CCDC141: variants seen among roughly 807,000 people sequenced by gnomAD.
CCDC141 encodes the protein coiled-coil domain containing 141.
Under a neutral mutation model 181.0 loss-of-function variants are expected in CCDC141, and 168 were observed. The ratio of observed to expected loss-of-function variants is 0.93; its 90% CI spans 0.82 to 1.05. CCDC141 has a LOEUF of 1.05. Among genes scored for constraint, CCDC141 ranks in the 50% least tolerant of loss-of-function variants. CCDC141 has a pLI of 0.00. For missense variants in CCDC141, 1,902 were observed against 1,788.5 expected (o/e 1.06, Z -1.14); for synonymous variants, 666 against 642.3 (o/e 1.04, Z -0.56).
Position 178,888,665 on chromosome 2 carries a change from A to G in CCDC141, c.1269T>C (p.Ser423=). ...TLISQVDSCS[S]QVSGIHEMMG... Reference sequence around the variant, plus strand: ...TCATCTCATGGATGCCGGACACCTGAGAGCTGAACAGAGCAAGCCAGCTGT... The same window carrying G: ...TCATCTCATGGATGCCGGACACCTGGGAGCTGAACAGAGCAAGCCAGCTGT... Residue 423 remains serine (S), a synonymous_variant, in exon 9 of 24, where the codon TCT becomes TCC. Coordinates refer to ENST00000443758, the MANE Select transcript of CCDC141 (RefSeq NM_173648.4). 6.4e-7 allele frequency: 1 copy of G among 1,550,498 alleles called. No homozygotes were observed. Among genetic ancestry groups the G allele is most frequent in the African/African-American group, 1.4e-5 (1 of 73,106 alleles).
In CCDC141 at chr2:178,941,003, C is replaced by T. The variant is rs569116294; in HGVS notation, c.897+3532G>A. 5.9e-5 allele frequency among the ~76,000 whole-genome samples: 9 copies of T among 152,296 alleles called. No homozygotes were observed. In the East Asian group the frequency reaches 1.2e-3, roughly 20 times the overall value. ...GTTGCTTCAGGAATCTCTTCTATTT[C>T]CCAACCTGTGGAAGTCTATTTTTCT... On this transcript the variant is annotated intron_variant, in intron 6 of 23. Transcript: ENST00000443758.
intron 6 of CCDC141, among the ~76,000 whole-genome samples, chr2:178,939,144 T>C (rs11888418): frequency 7.9e-4 from 121 of 152,264 alleles, no homozygotes; most frequent in African/African-American, 2.6e-3. Flanking sequence ...ACCCTGTATA[T>C]AGGACTGGCT....
intron 5 of CCDC141, among the ~76,000 whole-genome samples, chr2:178,960,747 C>A (rs1044542353): frequency 6.6e-6 from 1 of 152,184 alleles, no homozygotes; most frequent in African/African-American, 2.4e-5. Flanking sequence ...ACAGATCCTG[C>A]AGCTATGGGC....
Position 178,836,183 on chromosome 2 carries a change from T to C in CCDC141, c.4325+711A>G, listed in dbSNP as rs1227111925. ...CCACATATTGAGAAAGAACTGCTTT[T>C]GTTACCAATAGTAGGTGATCCAAAA... On this transcript the variant is annotated intron_variant, in intron 23 of 23. Coordinates refer to ENST00000443758, the MANE Select transcript of CCDC141 (RefSeq NM_173648.4). 6 of 152,544 alleles carry C rather than the reference T, an allele frequency of 3.9e-5. No individual in the cohort carries two copies. In the East Asian group the frequency reaches 1.2e-3, roughly 29 times the overall value. The allele number at this position is 152,544 out of a possible 1,614,324, so 9.4% of individuals were successfully genotyped here.
chr2:178,960,918 T>C (rs1326688516), intron 5 of CCDC141, among the ~76,000 whole-genome samples: 1 of 152,146 alleles, frequency 6.6e-6, no homozygotes, highest in Non-Finnish European at 1.5e-5. Context: ...CATTTCAAAA[T>C]GTCAAAGCAA....
intron 6 of CCDC141, among the ~76,000 whole-genome samples, chr2:178,941,180 G>T (rs1325917788): frequency 2.0e-5 from 3 of 152,096 alleles, no homozygotes; most frequent in Admixed American, 6.5e-5. Flanking sequence ...ATTGCTGTTT[G>T]CCTTATTCTG....
chr2:179,005,786 T>A (rs1331305329), intron 2 of CCDC141, among the ~76,000 whole-genome samples: 1 of 152,152 alleles, frequency 6.6e-6, no homozygotes, highest in Admixed American at 6.5e-5. Context: ...ATGTTTGTAT[T>A]TTTTTGTAGA....
chr2:179,030,904 T>C (rs1482001458), intron 2 of CCDC141, among the ~76,000 whole-genome samples: 1 of 152,094 alleles, frequency 6.6e-6, no homozygotes, highest in Admixed American at 6.6e-5. Flanking sequence ...TTTCAGGCTC[T>C]GTATGCATTA....
chr2:178,926,218 A>G (rs1688904270), intron 6 of CCDC141, among the ~76,000 whole-genome samples: 1 of 152,184 alleles, frequency 6.6e-6, no homozygotes, highest in Admixed American at 6.5e-5. Context: ...GACACTTACA[A>G]TCAGACAAAT....
In CCDC141 at chr2:178,833,620, T is replaced by A. The variant is rs1684349730; in HGVS notation, c.*553A>T. On this transcript the variant is annotated 3_prime_UTR_variant, in exon 24 of 24. Coordinates refer to ENST00000443758, the MANE Select transcript of CCDC141 (RefSeq NM_173648.4). ...TGAGAGCAACATGAGGAATGATTAT[T>A]TACAATGACATCATCAGACTCAGGA... is the stretch of plus-strand genomic sequence containing the variant. 6.5e-6 allele frequency: 1 copy of A among 153,258 alleles called. No individual in the cohort carries two copies. Among genetic ancestry groups the A allele is most frequent in the Non-Finnish European group, 1.5e-5 (1 of 68,776 alleles). 9.5% of individuals were successfully genotyped at this position (153,258 alleles called of 1,614,324 possible). A position where few individuals can be genotyped will look rare whatever the true frequency, so the allele number is the denominator to read the frequency against.
chr2:178,901,932 A>G (rs1481296156), intron 8 of CCDC141, among the ~76,000 whole-genome samples: 2 of 152,220 alleles, frequency 1.3e-5, no homozygotes, highest in East Asian at 3.8e-4. Context: ...TGAATATACA[A>G]AAATCACAAG....
At chr2:179,028,586 T>C (rs1407423540) in intron 2 of CCDC141, among the ~76,000 whole-genome samples, 2 of 152,226 alleles carry the variant, frequency 1.3e-5, no homozygotes, top group African/African-American at 4.8e-5. Flanking sequence ...GGCAATCATG[T>C]AATAATACCA....
At chr2:178,902,981 A>T (rs1168130978) in intron 8 of CCDC141, among the ~76,000 whole-genome samples, 1 of 149,198 alleles carries the variant, frequency 6.7e-6, no homozygotes. Flanking sequence ...GAAGACATTT[A>T]TGCAGCCAAA....
intron 2 of CCDC141, among the ~76,000 whole-genome samples, chr2:179,032,669 T>C (rs1421557133): frequency 6.6e-6 from 1 of 152,138 alleles, no homozygotes; most frequent in Non-Finnish European, 1.5e-5. Flanking sequence ...TTCATCATCC[T>C]TGTCATACAT....
intron 5 of CCDC141, among the ~76,000 whole-genome samples, chr2:178,949,652 T>C (rs1222013817): frequency 6.6e-6 from 1 of 152,166 alleles, no homozygotes; most frequent in Non-Finnish European, 1.5e-5. Context: ...CCGTATACAA[T>C]CAGGGGCTCC....
At chr2:178,834,777 G>A (rs1684409031) in intron 23 of CCDC141, among the ~76,000 whole-genome samples, 1 of 151,028 alleles carries the variant, frequency 6.6e-6, no homozygotes, top group Admixed American at 6.6e-5. Flanking sequence ...ATAGGATCTC[G>A]CTATGTTACC....
intron 12 of CCDC141, chr2:178,876,377 A>C (rs751132515): frequency 6.6e-6 from 1 of 152,208 alleles, no homozygotes; most frequent in Non-Finnish European, 1.5e-5. Context: ...TAAGCTTCAC[A>C]CTGAAAATCA....
At chr2:178,920,728 A>T (rs903438854) in intron 6 of CCDC141, among the ~76,000 whole-genome samples, 8 of 140,200 alleles carry the variant, frequency 5.7e-5, no homozygotes, top group Admixed American at 2.2e-4. Flanking sequence ...ACACACACAC[A>T]CTCAATACAA....
chr2:178,981,502 T>C (rs1691390627), intron 2 of CCDC141, among the ~76,000 whole-genome samples: 2 of 151,404 alleles, frequency 1.3e-5, no homozygotes, highest in African/African-American at 4.8e-5. Context: ...AACACATGGG[T>C]CCAAGAAGAA....
Sources: gnomAD v4.1 joint callset for allele counts (sites outside exome capture counted in the v4.1 genomes callset) on GRCh38, gnomAD v4.1.1 for gene constraint, MANE v1.5 for transcripts, NCBI Gene and HGNC (gene_info 2026-07-23, HGNC 2026-07-21) for gene names.